KIF26B: variants seen among roughly 807,000 people sequenced by gnomAD.
KIF26B encodes kinesin family member 26B.
A neutral mutation model predicts 151.2 loss-of-function variants in KIF26B; 63 were observed. The ratio of observed to expected loss-of-function variants is 0.42; its 90% CI spans 0.34 to 0.51. The LOEUF is 0.51. KIF26B is among the 20% of genes least tolerant of loss of function. The pLI, the probability that KIF26B is intolerant of heterozygous loss-of-function variation, is 0.07. For synonymous variants in KIF26B, 1,357 were observed against 1,262.1 expected (o/e 1.08, Z -1.59); for missense variants, 2,813 against 2,913.6 (o/e 0.97, Z 0.79).
At chr1:245,351,520 TG>T (rs1672569623) in intron 2 of KIF26B, among the ~76,000 whole-genome samples, 1 of 149,046 alleles carries the variant, frequency 6.7e-6, no homozygotes, top group Admixed American at 6.6e-5. Context: ...ACTCAGCATT[TG>T]TAATAACATG....
Position 245,611,930 on chromosome 1 carries a change from A to G in KIF26B, c.2052A>G (p.Thr684=), listed in dbSNP as rs1282177619. ...ACCGCAACTCACACGTGTTCTTCACACTGCACATCTACCAGTACCGGATGG... is the reference window on the plus strand; with the variant it reads ...ACCGCAACTCACACGTGTTCTTCACGCTGCACATCTACCAGTACCGGATGG... ...DDHRNSHVFF[T]LHIYQYRMEK... is the part of the protein sequence containing the mutation. Residue 684 remains threonine (T), a synonymous_variant, in exon 9 of 15, where the codon ACA becomes ACG. Transcript: ENST00000407071. The G allele has an allele frequency of 6.2e-7, 1 of 1,613,840 alleles. No homozygotes were observed. Among genetic ancestry groups the G allele is most frequent in the Admixed American group, 1.7e-5 (1 of 60,010 alleles).
intron 4 of KIF26B, among the ~76,000 whole-genome samples, chr1:245,438,837 A>G (rs1658995141): frequency 6.6e-6 from 1 of 152,176 alleles, no homozygotes; most frequent in Non-Finnish European, 1.5e-5. Flanking sequence ...TCAGTGCAGG[A>G]TAGACAATAG....
At chr1:245,217,101 G>A (rs575088665) in intron 2 of KIF26B, among the ~76,000 whole-genome samples, 17 of 152,138 alleles carry the variant, frequency 1.1e-4, no homozygotes, top group African/African-American at 3.9e-4. Context: ...CCTCATCTGG[G>A]GACACAAATG....
Position 245,203,255 on chromosome 1 carries a change from A to AAAAAAAAG in KIF26B, c.465+46576_465+46577insAAAGAAAA, listed in dbSNP as rs61541280. ...GAGCGCGACTCTGTCTCAAAAAAAA[A>AAAAAAAAG]AAAAGAAAATGAGTTAAAGTTACAA... On this transcript the variant is annotated intron_variant, in intron 2 of 14. Coordinates refer to ENST00000407071, the MANE Select transcript of KIF26B (RefSeq NM_018012.4). Among the ~76,000 whole-genome samples, 770 of 129,674 alleles carry AAAAAAAAG rather than the reference A, an allele frequency of 5.9e-3. 67 individuals are homozygous for AAAAAAAAG. In the East Asian group the frequency reaches 0.12, roughly 21 times the overall value. The allele number at this position is 129,674 out of a possible 152,430, so 85.1% of individuals were successfully genotyped here. A position where few individuals can be genotyped will look rare whatever the true frequency, so the allele number is the denominator to read the frequency against.
At chr1:245,344,800 T>C (rs1396198733) in intron 2 of KIF26B, among the ~76,000 whole-genome samples, 1 of 152,050 alleles carries the variant, frequency 6.6e-6, no homozygotes, top group Non-Finnish European at 1.5e-5. Flanking sequence ...GTTGTGTGAG[T>C]GGTATCAGGC....
intron 2 of KIF26B, among the ~76,000 whole-genome samples, chr1:245,194,197 G>A (rs1204515287): frequency 6.6e-6 from 1 of 152,064 alleles, no homozygotes; most frequent in Non-Finnish European, 1.5e-5. Context: ...GGTTTGGAGA[G>A]GCCTAATTCA....
intron 9 of KIF26B, among the ~76,000 whole-genome samples, chr1:245,615,613 G>T (rs2043580288): frequency 6.6e-6 from 1 of 152,118 alleles, no homozygotes; most frequent in Admixed American, 6.5e-5. Context: ...TTGTGAAAGA[G>T]AATTGCTTTT....
At chr1:245,600,060 C>T (rs1442061915) in intron 5 of KIF26B, among the ~76,000 whole-genome samples, 2 of 150,620 alleles carry the variant, frequency 1.3e-5, no homozygotes, top group East Asian at 3.9e-4. Flanking sequence ...TGTTTTGATA[C>T]AGAGTTTCAC....
intron 2 of KIF26B, among the ~76,000 whole-genome samples, chr1:245,223,528 A>C (rs1669812999): frequency 6.6e-6 from 1 of 152,180 alleles, no homozygotes; most frequent in African/African-American, 2.4e-5. Context: ...TCCTTTCCCC[A>C]GGAGGCAACA....
At chr1:245,536,227 A>G (rs1008383638) in intron 4 of KIF26B, among the ~76,000 whole-genome samples, 1 of 152,190 alleles carries the variant, frequency 6.6e-6, no homozygotes, top group African/African-American at 2.4e-5. Context: ...TTATGAAAGT[A>G]TCTGGCATCC....
rs891023165 is a variant in KIF26B at position 245,239,181 on chromosome 1, A to G, written c.465+82498A>G. 6.6e-6 allele frequency among the ~76,000 whole-genome samples: 1 copy of G among 152,166 alleles called. No individual in the cohort carries two copies. Among genetic ancestry groups the G allele is most frequent in the Non-Finnish European group, 1.5e-5 (1 of 68,020 alleles). On this transcript the variant is annotated intron_variant, in intron 2 of 14. Transcript: ENST00000407071. This position sits in a 1 kb window ranked among gnomAD's most constrained non-coding sequence, Gnocchi z 4.3. ...CATTTAGTGGAAGATGGACATGGGC[A>G]GGAGTTAACGCGTCCTCCAGAGAAT...
intron 2 of KIF26B, among the ~76,000 whole-genome samples, chr1:245,181,503 C>G: frequency 7.4e-6 from 1 of 135,372 alleles, no homozygotes; most frequent in Non-Finnish European, 1.6e-5. Context: ...GAGAGAAAAA[C>G]GTAGTAAAGT....
At chr1:245,409,425 C>G (rs564261681) in intron 3 of KIF26B, among the ~76,000 whole-genome samples, 1 of 152,016 alleles carries the variant, frequency 6.6e-6, no homozygotes, top group African/African-American at 2.4e-5. Context: ...ATCTGAGCCC[C>G]GATAATGGGA....
At chr1:245,444,701 C>T (rs138641568) in intron 4 of KIF26B, among the ~76,000 whole-genome samples, 10 of 152,234 alleles carry the variant, frequency 6.6e-5, no homozygotes, top group South Asian at 4.2e-4. Flanking sequence ...GGCAGACTAA[C>T]GTCTCTTGAG....
At chr1:245,344,583 C>T (rs1672408238) in intron 2 of KIF26B, among the ~76,000 whole-genome samples, 1 of 150,828 alleles carries the variant, frequency 6.6e-6, no homozygotes, top group African/African-American at 2.4e-5. Context: ...AGGGCAATCA[C>T]TCTGGCTTCT....
intron 2 of KIF26B, among the ~76,000 whole-genome samples, chr1:245,277,223 C>T (rs1670955625): frequency 6.6e-6 from 1 of 152,170 alleles, no homozygotes; most frequent in Non-Finnish European, 1.5e-5. Context: ...TCTAAGCCAG[C>T]AGGCTTGTGG....
At chr1:245,342,473 C>T (rs922404271) in intron 2 of KIF26B, among the ~76,000 whole-genome samples, 4 of 152,268 alleles carry the variant, frequency 2.6e-5, no homozygotes, top group South Asian at 2.1e-4. Context: ...AGAATGGGAC[C>T]GTCACCCACC....
intron 9 of KIF26B, among the ~76,000 whole-genome samples, chr1:245,640,122 G>GCTCGCTCTCGCT (rs1553299289): frequency 1.9e-5 from 1 of 53,974 alleles, no homozygotes; most frequent in Non-Finnish European, 3.6e-5. Context: ...ACTAATATTT[G>GCTCGCTCTCGCT]CTCTCTCTCT....
At chr1:245,544,395 G>A (rs1246479850) in intron 5 of KIF26B, among the ~76,000 whole-genome samples, 3 of 152,154 alleles carry the variant, frequency 2.0e-5, no homozygotes, top group African/African-American at 7.2e-5. Flanking sequence ...CAACGCTTGA[G>A]ATGGCCCTGA....
Sources: gnomAD v4.1 joint callset for allele counts (sites outside exome capture counted in the v4.1 genomes callset) on GRCh38, gnomAD v4.1.1 for gene constraint, Gnocchi (gnomAD v3.1) non-coding constraint, MANE v1.5 for transcripts, NCBI Gene and HGNC (gene_info 2026-07-23, HGNC 2026-07-21) for gene names.